DDX60L: variants seen among roughly 807,000 people sequenced by gnomAD.
DDX60L encodes the protein probable ATP-dependent RNA helicase DDX60-like.
In DDX60L, 191 loss-of-function variants were observed where a neutral mutation model predicts 211.6. That is an observed-to-expected ratio of 0.90 (90% confidence interval 0.80 to 1.02). The LOEUF (loss-of-function observed/expected upper bound fraction) is 1.02. Among genes scored for constraint, DDX60L ranks in the 50% least tolerant of loss-of-function variants. The pLI, the probability that DDX60L is intolerant of heterozygous loss-of-function variation, is 0.00. For missense variants in DDX60L, 2,007 were observed against 1,984.1 expected, an observed-to-expected ratio of 1.01 and a Z score of -0.22; for synonymous variants, 706 against 694.1, an observed-to-expected ratio of 1.02 and a Z score of -0.27.
At chr4:168,451,900 C>T (rs2634952) in intron 8 of DDX60L, among the ~76,000 whole-genome samples, 120,873 of 152,060 alleles carry the variant, frequency 0.79, 48,127 homozygotes, top group East Asian at 0.89. Context: ...CCACTAACTA[C>T]TACTCATCCT....
chr4:168,438,804 G>A (rs945474091), intron 10 of DDX60L, among the ~76,000 whole-genome samples: 1 of 152,238 alleles, frequency 6.6e-6, no homozygotes, highest in African/African-American at 2.4e-5. Flanking sequence ...TACCAGCTAT[G>A]ACCATGTGAC....
At chr4:168,437,434 A>G (rs1160003405) in intron 10 of DDX60L, among the ~76,000 whole-genome samples, 2 of 152,174 alleles carry the variant, frequency 1.3e-5, no homozygotes, top group Admixed American at 1.3e-4. Flanking sequence ...AGAAGCTGAG[A>G]GAGAGGCATG....
intron 10 of DDX60L, among the ~76,000 whole-genome samples, chr4:168,439,793 G>C (rs1231579296): frequency 6.6e-6 from 1 of 152,110 alleles, no homozygotes; most frequent in Non-Finnish European, 1.5e-5. Context: ...TTTAATATTG[G>C]TTCAAGGATA....
intron 29 of DDX60L, among the ~76,000 whole-genome samples, chr4:168,389,757 G>A (rs1203802158): frequency 6.6e-6 from 1 of 152,068 alleles, no homozygotes; most frequent in Non-Finnish European, 1.5e-5. Context: ...CTTCTAGTTG[G>A]AAGATGTGTC....
intron 13 of DDX60L, among the ~76,000 whole-genome samples, chr4:168,429,207 C>T (rs898456592): frequency 2.6e-5 from 4 of 152,006 alleles, no homozygotes; most frequent in South Asian, 2.1e-4. Flanking sequence ...TGCAGTGACA[C>T]GATCTTGGCT....
intron 5 of DDX60L, among the ~76,000 whole-genome samples, chr4:168,458,591 G>T (rs1000493700): frequency 2.0e-5 from 3 of 152,052 alleles, no homozygotes; most frequent in African/African-American, 7.2e-5. Context: ...CTTATAAGTG[G>T]GAGCTGAACA....
In DDX60L at chr4:168,415,652, C is replaced by CT; in HGVS notation, c.2869+4dup. 6.4e-7 allele frequency: 1 copy of CT among 1,552,098 alleles called. No homozygotes were observed. Among genetic ancestry groups the CT allele is most frequent in the Non-Finnish European group, 8.7e-7 (1 of 1,149,044 alleles). On this transcript the variant is annotated splice_donor_region_variant and intron_variant, in intron 21 of 37. Coordinates refer to ENST00000682922, the MANE Select transcript of DDX60L (RefSeq NM_001012967.3). Reference sequence around the variant, plus strand: ...TATAGTAAAACATAAAAAAAATAAGCTTACCAAGTCTAACTTCATATGATT... The same window carrying CT: ...TATAGTAAAACATAAAAAAAATAAGCTTTACCAAGTCTAACTTCATATGATT...
At chr4:168,416,856 G>C (rs767131759) in intron 19 of DDX60L, 59 bp from the exon 20 acceptor site, 7 of 962,846 alleles carry the variant, frequency 7.3e-6, no homozygotes, top group Non-Finnish European at 1.1e-5. Context: ...ATAAAAAATA[G>C]AAGCATAAAA....
rs1750695366 is a variant in DDX60L at position 168,421,896 on chromosome 4, T to A, written c.2258A>T (p.Asp753Val). 6.2e-7 allele frequency: 1 copy of A among 1,614,018 alleles called. No individual in the cohort carries two copies. The change falls in exon 17 of 38, where the codon GAT becomes GTT. Residue 753 changes from aspartate to valine, a missense_variant. By Grantham distance (152) the Asp-to-Val change is radical (BLOSUM62 -3). Coordinates refer to ENST00000682922, the MANE Select transcript of DDX60L (RefSeq NM_001012967.3). ...IPNAWQQELLDVVDKNESAVI... is the reference protein window; with the variant it reads ...IPNAWQQELLVVVDKNESAVI... ...TGCTGACTCATTCTTATCTACCACA[T>A]CCAGGAGTTCCTGCTGCAGGGTACA...
intron 36 of DDX60L, chr4:168,361,431 A>AG (rs1739096205): frequency 2.4e-6 from 1 of 416,686 alleles, no homozygotes; most frequent in Non-Finnish European, 4.3e-6. Context: ...TCAAAGGGGG[A>AG]GGGTGAAATA....
rs1561038700 is a variant in DDX60L, at chr4:168,421,891, C to T, written c.2263G>A (p.Val755Ile). The change falls in exon 17 of 38, where the codon GTA becomes ATA. Residue 755 changes from valine (V) to isoleucine (I), a missense_variant. Val to Ile is a conservative substitution (Grantham distance 29). Transcript: ENST00000682922. The part of the protein sequence containing the change: ...NAWQQELLDV[V>I]DKNESAVIVA... ...ATCACTGCTGACTCATTCTTATCTA[C>T]CACATCCAGGAGTTCCTGCTGCAGG... The T allele has an allele frequency of 6.2e-7, 1 of 1,614,158 alleles. No individual in the cohort carries two copies.
intron 14 of DDX60L, 151 bp downstream of exon 14, chr4:168,426,919 A>T (rs1751543591): frequency 1.1e-6 from 1 of 950,522 alleles, no homozygotes; most frequent in East Asian, 2.7e-5. Context: ...TCTGCAAAAT[A>T]TAATAATAAC....
intron 9 of DDX60L, among the ~76,000 whole-genome samples, chr4:168,442,503 C>T (rs1431815756): frequency 3.9e-5 from 6 of 152,234 alleles, no homozygotes; most frequent in African/African-American, 9.6e-5. Context: ...AGCCTGGAAG[C>T]GCGAACTGGG....
intron 26 of DDX60L, among the ~76,000 whole-genome samples, chr4:168,397,113 AC>A (rs972745985): frequency 6.6e-6 from 1 of 152,198 alleles, no homozygotes; most frequent in African/African-American, 2.4e-5. Context: ...CTCTCTATGA[AC>A]CAGGAAGCAG....
At chr4:168,449,633 A>G (rs1448314778) in intron 8 of DDX60L, among the ~76,000 whole-genome samples, 2 of 27,336 alleles carry the variant, frequency 7.3e-5, no homozygotes, top group African/African-American at 4.2e-4. Flanking sequence ...AAAAAACATT[A>G]AAACAAAAAA....
At chr4:168,437,505 CT>C (rs149391360) in intron 10 of DDX60L, among the ~76,000 whole-genome samples, 10,545 of 152,130 alleles carry the variant, frequency 0.069, 1,193 homozygotes, top group African/African-American at 0.23. Flanking sequence ...AATGGACCCC[CT>C]AATGGCCAAG....
chr4:168,384,596 G>A lies in DDX60L; in HGVS notation c.4116+16C>T. ...AGTGATGAAGACTGAACCTCAGGCA[G>A]TGTCCAGCACGGTACCTTTGCCTTG... is the stretch of plus-strand genomic sequence containing the variant. On this transcript the variant is annotated intron_variant, in intron 30 of 37. Transcript: ENST00000682922. 1 of 1,613,480 alleles carries A rather than the reference G, an allele frequency of 6.2e-7. No individual in the cohort carries two copies. The highest frequency in any genetic ancestry group is 8.5e-7 in the Non-Finnish European group (1 of 1,179,812).
chr4:168,406,123 T>C lies in DDX60L; in HGVS notation c.3085-45A>G, dbSNP rs1356569366. ...CAAAATTAAGCTAAGCTATGCAATC[T>C]ATAGTAAGAAAAATACAATGATGTA... On this transcript the variant is annotated intron_variant, in intron 23 of 37. Transcript: ENST00000682922. 1.9e-6 allele frequency: 3 copies of C among 1,552,260 alleles called. No individual in the cohort carries two copies. The African/African-American group carries it at 4.2e-5, about 22-fold the overall frequency.
intron 10 of DDX60L, among the ~76,000 whole-genome samples, chr4:168,436,513 C>G (rs55996627): frequency 5.3e-5 from 8 of 152,228 alleles, no homozygotes; most frequent in Middle Eastern, 3.4e-3. Flanking sequence ...GTAGAATAGT[C>G]TAACAGCATT....
Sources: allele counts gnomAD v4.1 joint callset (sites outside exome capture counted in the v4.1 genomes callset), GRCh38; gene constraint gnomAD v4.1.1; transcripts MANE v1.5; gene names NCBI Gene and HGNC (gene_info 2026-07-23, HGNC 2026-07-21).